C3: variants seen among roughly 807,000 people sequenced by gnomAD.
C3 encodes complement C3, also known as C3 and PZP-like alpha-2-macroglobulin domain-containing protein 1.
C3 carries 97 observed loss-of-function variants against 207.9 expected under a neutral mutation model. That is an observed-to-expected ratio of 0.47 (90% CI 0.40 to 0.55). C3 has a LOEUF of 0.55. Among genes scored for constraint, C3 ranks in the 20% least tolerant of loss-of-function variants. C3 has a pLI of 0.00. For missense variants in C3, 1,684 were observed against 2,171.7 expected, an observed-to-expected ratio of 0.78 and a Z score of 4.46; for synonymous variants, 848 against 857.6, an observed-to-expected ratio of 0.99 and a Z score of 0.20.
intron 27 of C3, among the ~76,000 whole-genome samples, chr19:6,689,330 TCCCTCCCTCCCTCCCTCCCTCCCTCC>T (rs1918099369): frequency 2.3e-4 from 10 of 42,886 alleles, no homozygotes; most frequent in African/African-American, 1.2e-3. Context: ...TCTACCTACC[TCCCTCCCTCCCTCCCTCCCTCCCTCC>T]CTCCCTCTCT....
intron 14 of C3, among the ~76,000 whole-genome samples, chr19:6,709,135 C>T (rs1967851595): frequency 6.6e-6 from 1 of 152,200 alleles, no homozygotes; most frequent in Non-Finnish European, 1.5e-5. Flanking sequence ...CCACCAGCCT[C>T]TCAGGGCCCC....
At position 6,678,012 on chromosome 19, in the gene C3, A is replaced by C; in HGVS notation, c.4862T>G (p.Ile1621Ser). The change falls in exon 41 of 41, where the codon ATC (isoleucine) becomes AGC (serine). Residue 1621 changes from isoleucine (I) to serine (S), a missense_variant. Coordinates refer to ENST00000245907, the MANE Select transcript of C3 (RefSeq NM_000064.4). ...CTCCACCCAAGTGTCCTTCCCGATG[A>C]TGTAGCTGAGGCTGGAGGGAAGAAT... is the stretch of plus-strand genomic sequence containing the variant. Reference protein sequence around the residue: ...FWGEKPNLSYIIGKDTWVEHW... With the variant: ...FWGEKPNLSYSIGKDTWVEHW... 6.2e-7 allele frequency: 1 copy of C among 1,613,964 alleles called. No homozygotes were observed. Among genetic ancestry groups the C allele is most frequent in the Non-Finnish European group, 8.5e-7 (1 of 1,179,988 alleles).
intron 33 of C3, among the ~76,000 whole-genome samples, chr19:6,683,877 C>T (rs1014997818): frequency 2.6e-5 from 4 of 152,212 alleles, no homozygotes; most frequent in African/African-American, 9.7e-5. Context: ...GAGGAATGCT[C>T]AAGGCTAGGA....
At chr19:6,683,773 G>A (rs540752635) in intron 33 of C3, among the ~76,000 whole-genome samples, 10 of 152,326 alleles carry the variant, frequency 6.6e-5, no homozygotes, top group African/African-American at 2.2e-4. Context: ...CTTTATAACT[G>A]GCAGTATGAT....
chr19:6,711,914 C>G (rs1040155873), intron 11 of C3, among the ~76,000 whole-genome samples: 2 of 152,188 alleles, frequency 1.3e-5, no homozygotes, highest in Non-Finnish European at 2.9e-5. Context: ...TGGAGCGCCT[C>G]TCCGTGTAAG....
At chr19:6,684,691 A>T (rs1917953932) in intron 31 of C3, 41 bp from the exon 32 acceptor site, 7 of 1,599,976 alleles carry the variant, frequency 4.4e-6, no homozygotes, top group Non-Finnish European at 6.0e-6. Flanking sequence ...AGCCCACAGG[A>T]CTAGGACTGC....
At chr19:6,720,444 G>T in intron 1 of C3, 72 bp downstream of exon 1, 1 of 1,090,142 alleles carries the variant, frequency 9.2e-7, no homozygotes, top group South Asian at 1.3e-5. Flanking sequence ...ATTCTACAGG[G>T]ACCTGGACCC....
Position 6,710,737 on chromosome 19 carries a change from G to A in C3, c.1588C>T (p.Arg530Cys), listed in dbSNP as rs867467891. 6.2e-7 allele frequency: 1 copy of A among 1,613,842 alleles called. No homozygotes were observed. Among genetic ancestry groups the A allele is most frequent in the Non-Finnish European group, 8.5e-7 (1 of 1,180,010 alleles). Residue 530 changes from arginine to cysteine, a missense_variant, in exon 13 of 41, where the codon CGC (arginine) becomes TGC (cysteine). Transcript: ENST00000245907. ...ATCAGCGTGTAGTACGCCACCAGGC[G>A]GAAGGAAGGGATGAAGTCGGTGGTG... Reference protein sequence around the residue: ...SITTDFIPSFRLVAYYTLIGA... With the variant: ...SITTDFIPSFCLVAYYTLIGA...
rs1245493845 is a variant in C3, at chr19:6,695,885, C to A, written c.2950+494G>T. Among the ~76,000 whole-genome samples, 85 of 152,110 alleles carry A rather than the reference C, an allele frequency of 5.6e-4. 1 individual carries two copies. The highest frequency in any genetic ancestry group is 1.5e-5 in the Non-Finnish European group (1 of 68,026). On this transcript the variant is annotated intron_variant, in intron 23 of 40. Transcript: ENST00000245907. ...ATGCTATCTGGAGGCTTCTATAAAA[C>A]CGATCATAGCAAATAATATCTGTAT...
intron 2 of C3, 114 bp from the exon 3 acceptor site, chr19:6,718,526 G>C (rs1968092688): frequency 7.8e-7 from 1 of 1,278,848 alleles, no homozygotes; most frequent in Non-Finnish European, 1.1e-6. Flanking sequence ...TTGGTCTTCC[G>C]AGGTGGCCGT....
At position 6,678,255 on chromosome 19, in the gene C3, T is replaced by A; in HGVS notation, c.4747A>T (p.Thr1583Ser). 1 of 1,614,130 alleles carries A rather than the reference T, an allele frequency of 6.2e-7. No individual in the cohort carries two copies. Residue 1583 changes from threonine to serine, a missense_variant, in exon 40 of 41, where the codon ACG becomes TCG. Coordinates refer to ENST00000245907, the MANE Select transcript of C3 (RefSeq NM_000064.4). ...CTGCACTTGATGGGGCTGATGAACG[T>A]GCGCTGCTGTCCAACCTGCACCTCA... is the stretch of plus-strand genomic sequence containing the variant. ...SDEVQVGQQR[T>S]FISPIKCREA...
At chr19:6,696,512 C>T in intron 22 of C3, 47 bp from the exon 23 acceptor site, 2 of 1,594,218 alleles carry the variant, frequency 1.3e-6, no homozygotes, top group Non-Finnish European at 1.7e-6. Flanking sequence ...CCCTCCCGCC[C>T]TATCCTACCT....
In C3 at chr19:6,686,760, A is replaced by G. The variant is rs1568212330; in HGVS notation, c.3632T>C (p.Leu1211Pro). 7.4e-6 allele frequency: 12 copies of G among 1,614,040 alleles called. No individual in the cohort carries two copies. Among genetic ancestry groups the G allele is most frequent in the Middle Eastern group, 3.3e-4 (2 of 6,006 alleles). ...CCAACCCTCACCTTTGGCTGTGGTC[A>G]GAAATTTGTTAAGAAGAGGCCCCTT... Reference protein sequence around the residue: ...RLKGPLLNKFLTTAKDKNRWE... With the variant: ...RLKGPLLNKFPTTAKDKNRWE... The change falls in exon 28 of 41, where the codon CTG becomes CCG. Residue 1211 changes from leucine (L) to proline (P), a missense_variant. Leu to Pro is a moderately conservative substitution (Grantham distance 98). Coordinates refer to ENST00000245907, the MANE Select transcript of C3 (RefSeq NM_000064.4).
chr19:6,710,707 C>A lies in C3; in HGVS notation c.1618G>T (p.Ala540Ser), dbSNP rs201237210. The change falls in exon 13 of 41, where the codon GCC becomes TCC. Residue 540 changes from alanine (A) to serine (S), a missense_variant. Ala to Ser is a moderately conservative substitution (Grantham distance 99). Around this residue, in one of 3 missense-constraint regions of C3, gnomAD observed 1,280 missense variants for 1,739.1 expected, o/e 0.74. Transcript: ENST00000245907. The stretch of plus-strand genomic sequence containing the variant: ...GCCACCACCTCCCTCTGGCCGCTGG[C>A]ACCGATCAGCGTGTAGTACGCCACC... Reference protein sequence around the residue: ...RLVAYYTLIGASGQREVVADS... With the variant: ...RLVAYYTLIGSSGQREVVADS... 4.0e-5 allele frequency: 65 copies of A among 1,613,750 alleles called. No homozygotes were observed. Among genetic ancestry groups the A allele is most frequent in the Admixed American group, 5.0e-5 (3 of 60,024 alleles).
At chr19:6,699,497 G>A (rs1967602680) in intron 19 of C3, among the ~76,000 whole-genome samples, 1 of 152,108 alleles carries the variant, frequency 6.6e-6, no homozygotes, top group Non-Finnish European at 1.5e-5. Flanking sequence ...CAGCACTCTG[G>A]GAGGCTGAGG....
intron 17 of C3, among the ~76,000 whole-genome samples, chr19:6,704,553 G>A (rs1453047671): frequency 6.6e-6 from 1 of 152,056 alleles, no homozygotes; most frequent in Non-Finnish European, 1.5e-5. Flanking sequence ...AAGGTTGGGA[G>A]TTCGACACCA....
Position 6,719,099 on chromosome 19 carries a change from G to A in C3, c.267+112C>T. On this transcript the variant is annotated intron_variant, in intron 2 of 40. Transcript: ENST00000245907. This position sits in a 1 kb window ranked among gnomAD's most constrained non-coding sequence, Gnocchi z 5.4. ...GCGACTCCGAAGGGGTGGAGTCTCA[G>A]GGAAGGGCAGGGCTTAGAAAGGGAG... 1.0e-6 allele frequency: 1 copy of A among 973,886 alleles called. No individual in the cohort carries two copies. Among genetic ancestry groups the A allele is most frequent in the Non-Finnish European group, 1.6e-6 (1 of 607,412 alleles). The allele number at this position is 973,886 out of a possible 1,614,324, so 60.3% of individuals were successfully genotyped here.
chr19:6,718,547 GA>G, intron 2 of C3, 135 bp from the exon 3 acceptor site: 2 of 991,214 alleles, frequency 2.0e-6, no homozygotes, highest in Non-Finnish European at 3.1e-6. Context: ...TTTGGGGAGG[GA>G]GGGGCATGTG....
At chr19:6,711,941 T>C (rs1967930881) in intron 11 of C3, among the ~76,000 whole-genome samples, 1 of 152,228 alleles carries the variant, frequency 6.6e-6, no homozygotes. Context: ...GAGCAGGGCA[T>C]GCAAGAGGAA....
Sources: allele counts gnomAD v4.1 joint callset (sites outside exome capture counted in the v4.1 genomes callset), GRCh38; gene constraint gnomAD v4.1.1; regional missense constraint gnomAD v4.1.1; non-coding constraint Gnocchi (gnomAD v3.1); transcripts MANE v1.5; gene names NCBI Gene and HGNC (gene_info 2026-07-23, HGNC 2026-07-21).